GABRB1: variants seen among roughly 807,000 people sequenced by gnomAD.
GABRB1 encodes the protein gamma-aminobutyric acid receptor subunit beta-1.
GABRB1 carries 17 observed loss-of-function variants against 51.6 expected under a neutral mutation model. The observed-to-expected ratio is 0.33, with a 90% CI of 0.23 to 0.49. The LOEUF (loss-of-function observed/expected upper bound fraction) is 0.49, where lower values mean the gene tolerates loss of function less well. Among genes scored for constraint, GABRB1 ranks in the 20% least tolerant of loss-of-function variants. GABRB1 has a pLI of 0.99. For synonymous variants in GABRB1, 247 were observed against 218.9 expected, an observed-to-expected ratio of 1.13 and a Z score of -1.14; for missense variants, 410 against 600.6, an observed-to-expected ratio of 0.68 and a Z score of 3.32.
chr4:47,224,325 A>AT (rs1720873042), intron 4 of GABRB1, among the ~76,000 whole-genome samples: 1 of 151,730 alleles, frequency 6.6e-6, no homozygotes, highest in Non-Finnish European at 1.5e-5. Flanking sequence ...AAAATCTGGC[A>AT]TTTTTTAAAA....
chr4:47,254,435 C>T (rs555246468), intron 4 of GABRB1, among the ~76,000 whole-genome samples: 23 of 134,460 alleles, frequency 1.7e-4, no homozygotes, highest in African/African-American at 3.1e-4. Flanking sequence ...AGTGCAGTGG[C>T]GCTCACTGCA....
chr4:47,194,172 C>A (rs1719552861), intron 4 of GABRB1, among the ~76,000 whole-genome samples: 1 of 152,114 alleles, frequency 6.6e-6, no homozygotes, highest in Non-Finnish European at 1.5e-5. Flanking sequence ...TAAAGTAGGA[C>A]ATAAGTTCAA....
intron 4 of GABRB1, among the ~76,000 whole-genome samples, chr4:47,291,451 C>T (rs1187130282): frequency 6.6e-6 from 1 of 152,166 alleles, no homozygotes; most frequent in Admixed American, 6.5e-5. Flanking sequence ...ACACAGAGTC[C>T]ATATGGGGCA....
At chr4:47,155,343 C>T (rs111881935) in intron 3 of GABRB1, among the ~76,000 whole-genome samples, 3 of 152,122 alleles carry the variant, frequency 2.0e-5, no homozygotes, top group African/African-American at 4.8e-5. Context: ...CTTGGGACTG[C>T]TTTTAATATA....
intron 4 of GABRB1, among the ~76,000 whole-genome samples, chr4:47,246,204 T>C (rs1362412713): frequency 6.8e-6 from 1 of 146,348 alleles, no homozygotes; most frequent in South Asian, 2.2e-4. Context: ...GTTAGAATAA[T>C]ACTCTCCAAT....
At chr4:47,171,763 A>G (rs936948224) in intron 4 of GABRB1, among the ~76,000 whole-genome samples, 2 of 152,146 alleles carry the variant, frequency 1.3e-5, no homozygotes, top group African/African-American at 4.8e-5. Context: ...GAATTGAGAT[A>G]ATACTATCGC....
chr4:47,023,218 A>T (rs572711850), intron 1 of GABRB1, among the ~76,000 whole-genome samples: 7 of 152,136 alleles, frequency 4.6e-5, no homozygotes, highest in African/African-American at 1.4e-4. Context: ...GGATTCGTTA[A>T]CGGATACAAA....
intron 4 of GABRB1, 144 bp from the exon 5 acceptor site, chr4:47,319,983 T>C (rs1278214873): frequency 1.5e-6 from 1 of 672,700 alleles, no homozygotes. Context: ...GACGTATAAT[T>C]ATTCATAATA....
At chr4:47,088,633 C>T (rs1489313660) in intron 3 of GABRB1, among the ~76,000 whole-genome samples, 1 of 152,180 alleles carries the variant, frequency 6.6e-6, no homozygotes, top group East Asian at 1.9e-4. Flanking sequence ...TCTTTACAAT[C>T]GTGTCATTGA....
chr4:47,372,662 C>A (rs1727237970), intron 5 of GABRB1, among the ~76,000 whole-genome samples: 2 of 152,150 alleles, frequency 1.3e-5, no homozygotes, highest in Admixed American at 1.3e-4. Context: ...CTGGACTAGA[C>A]ATTGAGAGGA....
chr4:47,217,938 A>G (rs1463813630), intron 4 of GABRB1, among the ~76,000 whole-genome samples: 1 of 151,762 alleles, frequency 6.6e-6, no homozygotes, highest in East Asian at 1.9e-4. Flanking sequence ...TATTCCTTCT[A>G]TCTAACTGTA....
At chr4:47,023,023 C>G (rs570824204) in intron 1 of GABRB1, among the ~76,000 whole-genome samples, 3 of 152,096 alleles carry the variant, frequency 2.0e-5, no homozygotes, top group Admixed American at 2.0e-4. Flanking sequence ...TCATTTGCAA[C>G]GACATGGATG....
At position 47,338,422 on chromosome 4, in the gene GABRB1, G is replaced by A. The variant is rs183039487; in HGVS notation, c.544+18213G>A. Among the ~76,000 whole-genome samples, 84 of 152,248 alleles carry A rather than the reference G, an allele frequency of 5.5e-4. 1 individual carries two copies. The highest frequency in any genetic ancestry group is 7.4e-4 in the Non-Finnish European group (50 of 68,012). ...CAGATGCACCACGCCATTCTCAAGC[G>A]TTTTAGACTATTAGAAATTAGATCA... On this transcript the variant is annotated intron_variant, in intron 5 of 8. Transcript: ENST00000295454.
intron 3 of GABRB1, among the ~76,000 whole-genome samples, chr4:47,146,666 G>A (rs1717182564): frequency 6.6e-6 from 1 of 151,966 alleles, no homozygotes; most frequent in South Asian, 2.1e-4. Context: ...TGATAATTAT[G>A]CACACTGAGT....
intron 8 of GABRB1, among the ~76,000 whole-genome samples, chr4:47,409,151 G>T (rs544374211): frequency 1.3e-5 from 2 of 152,282 alleles, no homozygotes; most frequent in South Asian, 2.1e-4. Context: ...CCCCATGGTA[G>T]CATCTAGAGT....
intron 1 of GABRB1, among the ~76,000 whole-genome samples, chr4:47,007,173 ATAAACT>A (rs1374152130): frequency 3.3e-5 from 5 of 152,110 alleles, no homozygotes; most frequent in African/African-American, 1.2e-4. Context: ...AAGAAAGTAC[ATAAACT>A]TTAAATGTAA....
chr4:47,343,155 A>T (rs919640683), intron 5 of GABRB1, among the ~76,000 whole-genome samples: 4 of 152,080 alleles, frequency 2.6e-5, no homozygotes, highest in African/African-American at 9.7e-5. Flanking sequence ...TAAAAAAAAA[A>T]AAATGTCTGT....
chr4:47,000,218 T>A (rs187093759), intron 1 of GABRB1, among the ~76,000 whole-genome samples: 1 of 152,174 alleles, frequency 6.6e-6, no homozygotes, highest in African/African-American at 2.4e-5. Flanking sequence ...GTTGTAGGTA[T>A]GTATGTAGCC....
At chr4:47,340,119 T>C (rs149906038) in intron 5 of GABRB1, among the ~76,000 whole-genome samples, 20 of 152,330 alleles carry the variant, frequency 1.3e-4, no homozygotes, top group African/African-American at 4.3e-4. Context: ...AGTTTTAATA[T>C]AGGGAACTAA....
Sources: gnomAD v4.1 joint callset for allele counts (sites outside exome capture counted in the v4.1 genomes callset) on GRCh38, gnomAD v4.1.1 for gene constraint, MANE v1.5 for transcripts, NCBI Gene and HGNC (gene_info 2026-07-23, HGNC 2026-07-21) for gene names.